The following LRFN5 variants were observed in gnomAD, a reference collection of about 807,000 sequenced individuals.
LRFN5 encodes the protein leucine rich repeat and fibronectin type III domain containing 5.
A neutral mutation model predicts 45.6 loss-of-function variants in LRFN5; 24 were observed. The observed-to-expected ratio is 0.53, with a 90% confidence interval of 0.38 to 0.74. The LOEUF (loss-of-function observed/expected upper bound fraction) is 0.74. Among genes scored for constraint, LRFN5 ranks in the 30% least tolerant of loss-of-function variants. The pLI is 0.00. For missense variants in LRFN5, 776 were observed against 861.5 expected, an observed-to-expected ratio of 0.90 and a Z score of 1.24; for synonymous variants, 340 against 313.8, an observed-to-expected ratio of 1.08 and a Z score of -0.88.
intron 1 of LRFN5, among the ~76,000 whole-genome samples, chr14:41,693,059 A>C (rs144352023): frequency 6.6e-6 from 1 of 152,074 alleles, no homozygotes; most frequent in East Asian, 1.9e-4. Flanking sequence ...GTGTGCATTT[A>C]TTTGTGGACT....
chr14:41,894,513 G>T, intron 4 of LRFN5: 2 of 965,414 alleles, frequency 2.1e-6, no homozygotes, highest in African/African-American at 1.8e-5. Flanking sequence ...CTGAGATTTT[G>T]CCCTTCAAAA....
chr14:41,792,121 G>A (rs971034912), intron 2 of LRFN5, among the ~76,000 whole-genome samples: 4 of 152,018 alleles, frequency 2.6e-5, no homozygotes, highest in Admixed American at 1.3e-4. Context: ...TCACATATCG[G>A]TAGGACCATG....
At chr14:41,723,649 C>T (rs1174066016) in intron 1 of LRFN5, among the ~76,000 whole-genome samples, 2 of 152,088 alleles carry the variant, frequency 1.3e-5, no homozygotes, top group Non-Finnish European at 2.9e-5. Flanking sequence ...CAAGCTGACT[C>T]TTGCTGCAAA....
chr14:41,617,168 G>A (rs1887955358), intron 1 of LRFN5, among the ~76,000 whole-genome samples: 1 of 151,974 alleles, frequency 6.6e-6, no homozygotes, highest in African/African-American at 2.4e-5. Context: ...AATATAACTT[G>A]GATAATATAT....
At chr14:41,870,035 T>C (rs1347957611) in intron 2 of LRFN5, among the ~76,000 whole-genome samples, 4 of 152,154 alleles carry the variant, frequency 2.6e-5, no homozygotes, top group Non-Finnish European at 5.9e-5. Flanking sequence ...AGTACACATG[T>C]ATTATCTCCA....
At chr14:41,788,822 T>G (rs1422328798) in intron 2 of LRFN5, among the ~76,000 whole-genome samples, 1 of 152,066 alleles carries the variant, frequency 6.6e-6, no homozygotes, top group Non-Finnish European at 1.5e-5. Flanking sequence ...TACAACTTTT[T>G]CAGAATTACT....
rs114031176 is a variant in LRFN5 at position 41,738,818 on chromosome 14, A to T, written c.-196-28036A>T. ...TAGGTTGTTTTATATTCAAACTGTT[A>T]TATGTTCACTGAGCTTTATAAATCT... On this transcript the variant is annotated intron_variant, in intron 1 of 5. Coordinates refer to ENST00000298119, the MANE Select transcript of LRFN5 (RefSeq NM_152447.5). Among the ~76,000 whole-genome samples the T allele has an allele frequency of 4.1e-3, 631 of 152,260 alleles. 6 individuals are homozygous for T. Among genetic ancestry groups the T allele is most frequent in the African/African-American group, 0.014 (599 of 41,562 alleles).
At chr14:41,806,029 T>C (rs551871217) in intron 2 of LRFN5, among the ~76,000 whole-genome samples, 1 of 152,240 alleles carries the variant, frequency 6.6e-6, no homozygotes, top group South Asian at 2.1e-4. Flanking sequence ...GCAGTGCCAG[T>C]TCTGTTTGCT....
At chr14:41,852,463 T>C (rs970132981) in intron 2 of LRFN5, among the ~76,000 whole-genome samples, 10 of 152,066 alleles carry the variant, frequency 6.6e-5, no homozygotes, top group Admixed American at 1.3e-4. Context: ...ATTAGATTTG[T>C]TCTCTTTCCT....
Position 41,756,284 on chromosome 14 carries a change from C to T in LRFN5, c.-196-10570C>T, listed in dbSNP as rs988995046. On this transcript the variant is annotated intron_variant, in intron 1 of 5. Transcript: ENST00000298119. Reference sequence around the variant, plus strand: ...TCGAGGAGTATCTTTGTGGCATTCTCTGTATTTACTGAATTTGAATGTTGG... The same window carrying T: ...TCGAGGAGTATCTTTGTGGCATTCTTTGTATTTACTGAATTTGAATGTTGG... Among the ~76,000 whole-genome samples, 8 of 152,248 alleles carry T rather than the reference C, an allele frequency of 5.3e-5. No individual in the cohort carries two copies. The East Asian group carries it at 1.3e-3, about 26-fold the overall frequency.
chr14:41,735,767 C>T (rs1884402128), intron 1 of LRFN5, among the ~76,000 whole-genome samples: 1 of 151,988 alleles, frequency 6.6e-6, no homozygotes, highest in African/African-American at 2.4e-5. Flanking sequence ...TCCCCCACCC[C>T]CTGACAGACC....
At chr14:41,628,417 A>G (rs1888416226) in intron 1 of LRFN5, among the ~76,000 whole-genome samples, 1 of 152,114 alleles carries the variant, frequency 6.6e-6, no homozygotes, top group Non-Finnish European at 1.5e-5. Context: ...AGACTGAGCA[A>G]TAGAGTGAGA....
chr14:41,876,614 C>T (rs1890199703), intron 2 of LRFN5, among the ~76,000 whole-genome samples: 1 of 151,994 alleles, frequency 6.6e-6, no homozygotes, highest in African/African-American at 2.4e-5. Flanking sequence ...TTTTCTTTTA[C>T]TCCCTTTCAC....
chr14:41,896,512 C>T (rs1890943955), intron 4 of LRFN5, among the ~76,000 whole-genome samples: 1 of 151,990 alleles, frequency 6.6e-6, no homozygotes, highest in South Asian at 2.1e-4. Flanking sequence ...TTTTATGTTG[C>T]TAATAATAAC....
At chr14:41,658,686 A>G (rs1594588668) in intron 1 of LRFN5, among the ~76,000 whole-genome samples, 1 of 151,998 alleles carries the variant, frequency 6.6e-6, no homozygotes, top group East Asian at 1.9e-4. Flanking sequence ...TATTTTCCCA[A>G]ATACCTTAAT....
intron 2 of LRFN5, among the ~76,000 whole-genome samples, chr14:41,841,852 A>G (rs1259493573): frequency 6.6e-6 from 1 of 151,886 alleles, no homozygotes; most frequent in Admixed American, 6.6e-5. Flanking sequence ...TAAAAAATAA[A>G]TTATATAAAT....
chr14:41,889,097 T>C (rs1220340304), intron 3 of LRFN5, among the ~76,000 whole-genome samples: 4 of 92,354 alleles, frequency 4.3e-5, no homozygotes, highest in African/African-American at 1.6e-4. Flanking sequence ...TATATATATG[T>C]CTATATATAT....
At chr14:41,686,670 C>T (rs951951743) in intron 1 of LRFN5, among the ~76,000 whole-genome samples, 1 of 151,602 alleles carries the variant, frequency 6.6e-6, no homozygotes, top group African/African-American at 2.4e-5. Flanking sequence ...TTAACATGAA[C>T]GGATGTTGAA....
intron 2 of LRFN5, among the ~76,000 whole-genome samples, chr14:41,853,408 A>G (rs563604575): frequency 6.6e-6 from 1 of 152,066 alleles, no homozygotes; most frequent in African/African-American, 2.4e-5. Flanking sequence ...AATGGAGATC[A>G]AGTTAAGCGT....
Sources: gnomAD v4.1 joint callset for allele counts (sites outside exome capture counted in the v4.1 genomes callset) on GRCh38, gnomAD v4.1.1 for gene constraint, MANE v1.5 for transcripts, NCBI Gene and HGNC (gene_info 2026-07-23, HGNC 2026-07-21) for gene names.